Variants in DDX19A observed in about 807,000 individuals in gnomAD.
The protein encoded by DDX19A is ATP-dependent RNA helicase DDX19A.
In DDX19A, 12 loss-of-function variants were observed where a neutral mutation model predicts 60.6. That is an observed-to-expected ratio of 0.20 (90% CI 0.13 to 0.32). The LOEUF is 0.32. Ranked by LOEUF, DDX19A falls within the 10% of genes least tolerant of loss-of-function variation. DDX19A has a pLI of 1.00. For synonymous variants in DDX19A, 206 were observed against 218.2 expected, an observed-to-expected ratio of 0.94 and a Z score of 0.49; for missense variants, 337 against 600.6, an observed-to-expected ratio of 0.56 and a Z score of 4.59.
At chr16:70,362,832 TG>T (rs1349805541) in intron 5 of DDX19A, among the ~76,000 whole-genome samples, 1 of 150,710 alleles carries the variant, frequency 6.6e-6, no homozygotes, top group Non-Finnish European at 1.5e-5. Context: ...GCCAACATGG[TG>T]AAACCCCGTC....
intron 4 of DDX19A, among the ~76,000 whole-genome samples, chr16:70,359,748 C>T (rs1228305968): frequency 6.6e-6 from 1 of 152,000 alleles, no homozygotes; most frequent in Non-Finnish European, 1.5e-5. Flanking sequence ...GCCCCAGCTA[C>T]TCAAGGGTGG....
At position 70,368,224 on chromosome 16, in the gene DDX19A, T is replaced by G. The variant is rs183461700; in HGVS notation, c.1020+1363T>G. On this transcript the variant is annotated intron_variant, in intron 9 of 11. Transcript: ENST00000302243. ...ATGATACAGTGATAACAGTAATATATCTCTCAAATATAATCCACGTTCTCC... is the reference window on the plus strand; with the variant it reads ...ATGATACAGTGATAACAGTAATATAGCTCTCAAATATAATCCACGTTCTCC... Among the ~76,000 whole-genome samples the G allele has an allele frequency of 7.0e-4, 106 of 151,946 alleles. 1 individual carries two copies. Among genetic ancestry groups the G allele is most frequent in the African/African-American group, 2.4e-3 (98 of 41,478 alleles).
chr16:70,346,906 T>G lies in DDX19A; in HGVS notation c.-86T>G, dbSNP rs756436962. 9 of 1,386,336 alleles carry G rather than the reference T, an allele frequency of 6.5e-6. No homozygotes were observed. The highest frequency in any genetic ancestry group is 4.3e-5 in the African/African-American group (3 of 70,504). The allele number at this position is 1,386,336 out of a possible 1,614,324, so 85.9% of individuals were successfully genotyped here. A position where few individuals can be genotyped will look rare whatever the true frequency, so the allele number is the denominator to read the frequency against. On this transcript the variant is annotated 5_prime_UTR_variant, in exon 1 of 12. Transcript: ENST00000302243. ...CCGCTTCCGGTCCGCGTGAGGTGCA[T>G]TCTCGCGCCGGTGGCGAGGTTAGGG...
intron 2 of DDX19A, among the ~76,000 whole-genome samples, chr16:70,353,522 C>G (rs1964091018): frequency 6.6e-6 from 1 of 151,890 alleles, no homozygotes; most frequent in Admixed American, 6.6e-5. Context: ...TGAGGTCAGC[C>G]CTATCAGATT....
At chr16:70,363,726 T>TTATA (rs1964438237) in intron 5 of DDX19A, 1 of 150,530 alleles carries the variant, frequency 6.6e-6, no homozygotes, top group African/African-American at 2.4e-5. Flanking sequence ...CCACCTTAGT[T>TTATA]TATTTATTTA....
At position 70,361,349 on chromosome 16, in the gene DDX19A, A is replaced by G. The variant is rs1335574500; in HGVS notation, c.294-69A>G. The G allele has an allele frequency of 4.4e-6, 5 of 1,143,440 alleles. No individual in the cohort carries two copies. In the East Asian group the frequency reaches 7.0e-5, roughly 16 times the overall value. 70.8% of individuals were successfully genotyped at this position (1,143,440 alleles called of 1,614,324 possible). On this transcript the variant is annotated intron_variant, in intron 4 of 11. Coordinates refer to ENST00000302243, the MANE Select transcript of DDX19A (RefSeq NM_018332.5). Reference sequence around the variant, plus strand: ...GCATCATTCCTTTCTATAGAAAAAGATAAGATTCTAGGCCTCTAAAACAAT... The same window carrying G: ...GCATCATTCCTTTCTATAGAAAAAGGTAAGATTCTAGGCCTCTAAAACAAT...
intron 3 of DDX19A, 55 bp downstream of exon 3, chr16:70,355,590 C>G: frequency 2.7e-6 from 4 of 1,462,052 alleles, no homozygotes; most frequent in Non-Finnish European, 2.9e-6. Flanking sequence ...GGCTTGCCTT[C>G]CTGGAGCCAG....
At chr16:70,356,968 G>A (rs888709350) in intron 4 of DDX19A, 35 of 718,112 alleles carry the variant, frequency 4.9e-5, no homozygotes, top group Non-Finnish European at 6.5e-5. Context: ...AAAAAAAAAG[G>A]CCAGGCACAG....
At chr16:70,371,177 C>A in intron 10 of DDX19A, 195 bp from the exon 11 acceptor site, 1 of 957,600 alleles carries the variant, frequency 1.0e-6, no homozygotes, top group Non-Finnish European at 1.5e-6. Context: ...TTTGTTGGCA[C>A]TTGCCAAAGT....
At chr16:70,360,808 G>GA in intron 4 of DDX19A, 1 of 152,902 alleles carries the variant, frequency 6.5e-6, no homozygotes, top group Non-Finnish European at 1.5e-5. Context: ...TTGGAGTGCA[G>GA]TGGCTCAGTC....
chr16:70,371,328 C>T (rs1335803244), intron 10 of DDX19A, 44 bp from the exon 11 acceptor site: 1 of 1,614,154 alleles, frequency 6.2e-7, no homozygotes, highest in Non-Finnish European at 8.5e-7. Context: ...TGATTTCTGT[C>T]TCCTGTCCTT....
intron 9 of DDX19A, 92 bp from the exon 10 acceptor site, chr16:70,370,131 T>C: frequency 2.7e-6 from 4 of 1,468,584 alleles, no homozygotes; most frequent in Non-Finnish European, 3.6e-6. Flanking sequence ...CAGGACTTTT[T>C]AGATCACCCT....
intron 9 of DDX19A, among the ~76,000 whole-genome samples, chr16:70,368,482 G>C (rs1366500511): frequency 1.3e-5 from 2 of 152,078 alleles, no homozygotes; most frequent in African/African-American, 4.8e-5. Context: ...TGTTGCCCAG[G>C]CTTGTCTTGA....
intron 9 of DDX19A, among the ~76,000 whole-genome samples, 199 bp from the exon 10 acceptor site, chr16:70,370,024 C>G (rs914945690): frequency 1.3e-5 from 2 of 152,088 alleles, no homozygotes; most frequent in African/African-American, 4.8e-5. Flanking sequence ...GTTTCAGGTA[C>G]AGTCTTCCAG....
At chr16:70,356,566 C>T (rs1187101374) in intron 4 of DDX19A, among the ~76,000 whole-genome samples, 3 of 151,936 alleles carry the variant, frequency 2.0e-5, no homozygotes, top group Non-Finnish European at 4.4e-5. Context: ...CCATGTTGGC[C>T]AGGCTGGTCT....
chr16:70,348,956 AAG>A (rs1263991492), intron 1 of DDX19A, among the ~76,000 whole-genome samples: 1 of 152,000 alleles, frequency 6.6e-6, no homozygotes, highest in Admixed American at 6.6e-5. Flanking sequence ...AAAAAGAAAA[AAG>A]GGAATGGTGA....
Position 70,346,943 on chromosome 16 carries a change from A to G in DDX19A, c.-49A>G. 6.3e-7 allele frequency: 1 copy of G among 1,575,950 alleles called. No individual in the cohort carries two copies. Among genetic ancestry groups the G allele is most frequent in the African/African-American group, 1.3e-5 (1 of 74,458 alleles). On this transcript the variant is annotated 5_prime_UTR_variant, in exon 1 of 12. Transcript: ENST00000302243. ...TGGCGAGGTTAGGGCCCGCGTTGCG[A>G]CGTGGTGCAGCGCATATTTTCACAA...
intron 3 of DDX19A, 120 bp downstream of exon 3, chr16:70,355,655 C>T: frequency 2.4e-6 from 2 of 821,200 alleles, no homozygotes; most frequent in Non-Finnish European, 4.1e-6. Flanking sequence ...AAGGAATAGT[C>T]AGTGAGAGGA....
intron 5 of DDX19A, 196 bp downstream of exon 5, chr16:70,361,706 T>C (rs561124004): frequency 3.4e-5 from 18 of 531,584 alleles, no homozygotes; most frequent in Non-Finnish European, 4.7e-5. Flanking sequence ...TAGAAACTTA[T>C]AGAGAAAGGT....
Sources: gnomAD v4.1 joint callset for allele counts (sites outside exome capture counted in the v4.1 genomes callset) on GRCh38, gnomAD v4.1.1 for gene constraint, MANE v1.5 for transcripts, NCBI Gene and HGNC (gene_info 2026-07-23, HGNC 2026-07-21) for gene names.